Variants in LYRM7 observed in about 807,000 individuals in gnomAD.
LYRM7 encodes LYR motif containing 7.
In LYRM7, 9 loss-of-function variants were observed where a neutral mutation model predicts 15.8. The observed-to-expected ratio is 0.57, with a 90% CI of 0.34 to 0.99. The LOEUF (loss-of-function observed/expected upper bound fraction) is 0.99, where lower values mean the gene tolerates loss of function less well. Ranked by LOEUF, LYRM7 falls within the 50% of genes least tolerant of loss-of-function variation. The pLI is 0.02. For synonymous variants in LYRM7, 39 were observed against 39.4 expected (o/e 0.99, Z 0.04); for missense variants, 115 against 119.1 (o/e 0.97, Z 0.16).
intron 4 of LYRM7, among the ~76,000 whole-genome samples, chr5:131,187,547 C>T (rs1293201930): frequency 1.3e-5 from 2 of 151,290 alleles, no homozygotes; most frequent in African/African-American, 2.4e-5. Context: ...TGCAGTAGTG[C>T]GATCTTGGCT....
At chr5:131,196,995 C>A (rs1248792312) in intron 4 of LYRM7, among the ~76,000 whole-genome samples, 1 of 152,130 alleles carries the variant, frequency 6.6e-6, no homozygotes, top group African/African-American at 2.4e-5. Context: ...AAAATTAAAT[C>A]TCTTACTTAT....
Position 131,181,373 on chromosome 5 carries a change from GT to G in LYRM7, c.92-855del, listed in dbSNP as rs1561544343. Among the ~76,000 whole-genome samples the G allele has an allele frequency of 1.4e-3, 110 of 80,082 alleles. 5 individuals are homozygous for G. Among genetic ancestry groups the G allele is most frequent in the African/African-American group, 6.9e-3 (104 of 14,982 alleles). 52.5% of individuals were successfully genotyped at this position (80,082 alleles called of 152,430 possible). Reference sequence around the variant, plus strand: ...GTTATATATATATTAACATATATATGTATATATAATATATACATATATATTA... The same window carrying G: ...GTTATATATATATTAACATATATATGATATATAATATATACATATATATTA... On this transcript the variant is annotated intron_variant, in intron 2 of 4. Transcript: ENST00000379380.
intron 1 of LYRM7, among the ~76,000 whole-genome samples, chr5:131,175,765 G>T (rs1755593397): frequency 6.6e-6 from 1 of 151,660 alleles, no homozygotes; most frequent in Admixed American, 6.6e-5. Flanking sequence ...GTTTTGTTTT[G>T]TTTTGTTTTG....
intron 4 of LYRM7, among the ~76,000 whole-genome samples, chr5:131,190,503 T>TC (rs1345750712): frequency 6.6e-6 from 1 of 151,360 alleles, no homozygotes; most frequent in Non-Finnish European, 1.5e-5. Context: ...TTTTTTTTTT[T>TC]CTTTGAAACG....
At chr5:131,195,421 A>G (rs1194365693) in intron 4 of LYRM7, among the ~76,000 whole-genome samples, 1 of 152,190 alleles carries the variant, frequency 6.6e-6, no homozygotes, top group Non-Finnish European at 1.5e-5. Flanking sequence ...AGAGTCCCAT[A>G]ATTTAGAGCC....
In LYRM7 at chr5:131,183,845, TATTG is replaced by T. The variant is rs1755750080; in HGVS notation, c.162+1550_162+1553del. ...TAAACTGAGAATTTTTAAAAATATA[TATTG>T]ATTAATTCATTTTAAAATAACAATT... is the stretch of plus-strand genomic sequence containing the variant. On this transcript the variant is annotated intron_variant, in intron 3 of 4. Coordinates refer to ENST00000379380, the MANE Select transcript of LYRM7 (RefSeq NM_181705.4). Among the ~76,000 whole-genome samples, 4 of 152,288 alleles carry T rather than the reference TATTG, an allele frequency of 2.6e-5. No homozygotes were observed. In the East Asian group the frequency reaches 5.8e-4, roughly 22 times the overall value.
chr5:131,188,249 C>T (rs561747693), intron 4 of LYRM7, among the ~76,000 whole-genome samples: 2 of 151,766 alleles, frequency 1.3e-5, no homozygotes, highest in South Asian at 4.2e-4. Context: ...AGAGTAAGAC[C>T]CTGCCTCAAA....
At chr5:131,184,679 C>T (rs1421503277) in intron 3 of LYRM7, among the ~76,000 whole-genome samples, 1 of 151,628 alleles carries the variant, frequency 6.6e-6, no homozygotes, top group Admixed American at 6.6e-5. Context: ...CCACCTCCTC[C>T]TCATCTTCTC....
At chr5:131,184,763 G>T (rs149897597) in intron 3 of LYRM7, among the ~76,000 whole-genome samples, 3 of 151,716 alleles carry the variant, frequency 2.0e-5, no homozygotes, top group African/African-American at 7.3e-5. Context: ...CTCAGTTTAT[G>T]TACCTCCAGT....
chr5:131,196,952 G>GT lies in LYRM7; in HGVS notation c.245-2578dup, dbSNP rs1431633334. Among the ~76,000 whole-genome samples the GT allele has an allele frequency of 2.6e-5, 4 of 152,206 alleles. No homozygotes were observed. In the East Asian group the frequency reaches 7.7e-4, roughly 29 times the overall value. ...ATTACAAGCATGAGCCACCATGCCT[G>GT]TCCTTTAATCTGTATTTATTGATAA... is the stretch of plus-strand genomic sequence containing the variant. On this transcript the variant is annotated intron_variant, in intron 4 of 4. Coordinates refer to ENST00000379380, the MANE Select transcript of LYRM7 (RefSeq NM_181705.4).
At position 131,204,813 on chromosome 5, in the gene LYRM7, A is replaced by G. The variant is rs1186289744; in HGVS notation, c.*5212A>G. The G allele has an allele frequency of 6.6e-6, 1 of 152,186 alleles. No individual in the cohort carries two copies. The highest frequency in any genetic ancestry group is 2.4e-5 in the African/African-American group (1 of 41,382). The allele number at this position is 152,186 out of a possible 1,614,324, so 9.4% of individuals were successfully genotyped here. On this transcript the variant is annotated 3_prime_UTR_variant, in exon 5 of 5. Transcript: ENST00000379380. ...ATATACAAGAAAACTTTTTGTGTAC[A>G]TATTTGCATATATATGTACAAATGG... is the stretch of plus-strand genomic sequence containing the variant.
chr5:131,185,247 C>T (rs1006237288), intron 3 of LYRM7, among the ~76,000 whole-genome samples: 5 of 152,144 alleles, frequency 3.3e-5, no homozygotes, highest in African/African-American at 1.2e-4. Context: ...ATCTAAAGTG[C>T]TTAACATGAC....
intron 1 of LYRM7, among the ~76,000 whole-genome samples, chr5:131,178,386 G>A (rs962323270): frequency 1.1e-4 from 17 of 152,280 alleles, no homozygotes; most frequent in African/African-American, 4.1e-4. Flanking sequence ...TCCACGACAA[G>A]AGTAAGGTAT....
rs781267067 is a variant in LYRM7, at chr5:131,171,065, A to G, written c.18+27A>G. 12 of 1,515,986 alleles carry G rather than the reference A, an allele frequency of 7.9e-6. No individual in the cohort carries two copies. In the Admixed American group the frequency reaches 1.9e-4, roughly 24 times the overall value. The allele number at this position is 1,515,986 out of a possible 1,614,324, so 93.9% of individuals were successfully genotyped here. A position where few individuals can be genotyped will look rare whatever the true frequency, so the allele number is the denominator to read the frequency against. ...TGACAGGGCCCGGGAAGGGGTGGGTACGATGCCGTCGGGGAGGGTATGTTC... is the reference window on the plus strand; with the variant it reads ...TGACAGGGCCCGGGAAGGGGTGGGTGCGATGCCGTCGGGGAGGGTATGTTC... On this transcript the variant is annotated intron_variant, in intron 1 of 4. Coordinates refer to ENST00000379380, the MANE Select transcript of LYRM7 (RefSeq NM_181705.4).
rs1393226893 is a variant in LYRM7 at position 131,204,910 on chromosome 5, CTTTTA to C, written c.*5312_*5316del. On this transcript the variant is annotated 3_prime_UTR_variant, in exon 5 of 5. Coordinates refer to ENST00000379380, the MANE Select transcript of LYRM7 (RefSeq NM_181705.4). ...TAGGGAAGGAAGCAGTAAGTGAGAA[CTTTTA>C]TTCTATTTACTCCTGCACGTTTAAA... The C allele has an allele frequency of 2.6e-5, 4 of 152,172 alleles. No individual in the cohort carries two copies. The highest frequency in any genetic ancestry group is 4.4e-5 in the Non-Finnish European group (3 of 67,990). The allele number at this position is 152,172 out of a possible 1,614,324, so 9.4% of individuals were successfully genotyped here.
chr5:131,193,433 G>A (rs946882321), intron 4 of LYRM7, among the ~76,000 whole-genome samples: 7 of 152,222 alleles, frequency 4.6e-5, no homozygotes, highest in African/African-American at 1.4e-4. Flanking sequence ...ATCCAAACTT[G>A]ATGAGTTAGG....
intron 4 of LYRM7, among the ~76,000 whole-genome samples, chr5:131,187,480 T>C: frequency 6.9e-6 from 1 of 144,980 alleles, no homozygotes; most frequent in African/African-American, 2.7e-5. Context: ...TTTTTTTGTT[T>C]TTGTTTTTTT....
rs1402379941 is a variant in LYRM7, at chr5:131,187,041, G to C, written c.176G>C (p.Gly59Ala). ...TTTTCTTAACAGCTAATGAAAATAG[G>C]TTCTGATGTTGAATTATTACTCAGA... The part of the protein sequence containing the change: ...SKKIEELMKI[G>A]SDVELLLRTS... Residue 59 changes from glycine to alanine, a missense_variant, in exon 4 of 5, where the codon GGT becomes GCT. Coordinates refer to ENST00000379380, the MANE Select transcript of LYRM7 (RefSeq NM_181705.4). 1 of 1,548,724 alleles carries C rather than the reference G, an allele frequency of 6.5e-7. No homozygotes were observed. The highest frequency in any genetic ancestry group is 8.8e-7 in the Non-Finnish European group (1 of 1,136,618).
chr5:131,193,556 AGT>A (rs1460899307), intron 4 of LYRM7, among the ~76,000 whole-genome samples: 13 of 152,228 alleles, frequency 8.5e-5, no homozygotes, highest in African/African-American at 3.1e-4. Context: ...CTGGAACTTC[AGT>A]GTGAAATATT....
Sources: allele counts gnomAD v4.1 joint callset (sites outside exome capture counted in the v4.1 genomes callset), GRCh38; gene constraint gnomAD v4.1.1; transcripts MANE v1.5; gene names NCBI Gene and HGNC (gene_info 2026-07-23, HGNC 2026-07-21).